CARMIL1: variants seen among roughly 807,000 people sequenced by gnomAD.
CARMIL1 encodes capping protein regulator and myosin 1 linker 1, also known as F-actin-uncapping protein LRRC16A.
In CARMIL1, 90 loss-of-function variants were observed where a neutral mutation model predicts 177.1. That is an observed-to-expected ratio of 0.51 (90% confidence interval 0.43 to 0.61). The LOEUF is 0.61. Among genes scored for constraint, CARMIL1 ranks in the 20% least tolerant of loss-of-function variants. The probability of loss-of-function intolerance (pLI) is 0.00; values close to 1 mark genes in which losing one functional copy is unlikely to be tolerated. For missense variants in CARMIL1, 1,380 were observed against 1,667.0 expected, an observed-to-expected ratio of 0.83 and a Z score of 3.00; for synonymous variants, 577 against 606.2, an observed-to-expected ratio of 0.95 and a Z score of 0.71.
intron 24 of CARMIL1, among the ~76,000 whole-genome samples, chr6:25,531,316 T>G (rs1807741943): frequency 1.5e-5 from 1 of 66,802 alleles, no homozygotes; most frequent in Admixed American, 2.0e-4. Flanking sequence ...TTATTTAATT[T>G]TTTGTTGCTT....
chr6:25,373,799 G>T (rs1790695171), intron 2 of CARMIL1, among the ~76,000 whole-genome samples: 1 of 152,008 alleles, frequency 6.6e-6, no homozygotes. Context: ...TGGCCAGAAT[G>T]GTCTCGATCT....
intron 2 of CARMIL1, among the ~76,000 whole-genome samples, chr6:25,354,887 A>G (rs2744237): frequency 0.87 from 132,371 of 152,124 alleles, 57,824 homozygotes; most frequent in African/African-American, 0.93. Context: ...GACCCCCAAA[A>G]CTTCTGCTTA....
At chr6:25,402,590 G>A (rs1272783776) in intron 2 of CARMIL1, among the ~76,000 whole-genome samples, 1 of 152,152 alleles carries the variant, frequency 6.6e-6, no homozygotes, top group Non-Finnish European at 1.5e-5. Flanking sequence ...GTTTTACTGT[G>A]TAGTGATTTT....
At chr6:25,373,825 C>T (rs1428178710) in intron 2 of CARMIL1, among the ~76,000 whole-genome samples, 5 of 152,060 alleles carry the variant, frequency 3.3e-5, no homozygotes, top group Non-Finnish European at 4.4e-5. Flanking sequence ...CCTCGTGATC[C>T]GTCTGCCTCA....
At chr6:25,325,240 T>C (rs984146827) in intron 2 of CARMIL1, among the ~76,000 whole-genome samples, 1 of 152,336 alleles carries the variant, frequency 6.6e-6, no homozygotes, top group Non-Finnish European at 1.5e-5. Flanking sequence ...AGAGAATTCA[T>C]TGAAACTTGA....
chr6:25,513,649 C>G (rs1805671794), intron 20 of CARMIL1, among the ~76,000 whole-genome samples: 1 of 152,154 alleles, frequency 6.6e-6, no homozygotes, highest in Non-Finnish European at 1.5e-5. Flanking sequence ...GAACCTCTCA[C>G]AGATGTTGCT....
chr6:25,489,337 C>A (rs563418003), intron 13 of CARMIL1, among the ~76,000 whole-genome samples: 1 of 152,120 alleles, frequency 6.6e-6, no homozygotes, highest in Non-Finnish European at 1.5e-5. Flanking sequence ...CCTGAGCACT[C>A]GTCTATTCCG....
Position 25,454,599 on chromosome 6 carries a change from G to A in CARMIL1, c.614+3888G>A, listed in dbSNP as rs1431689226. Among the ~76,000 whole-genome samples, 7 of 151,998 alleles carry A rather than the reference G, an allele frequency of 4.6e-5. No homozygotes were observed. In the East Asian group the frequency reaches 9.6e-4, roughly 21 times the overall value. On this transcript the variant is annotated intron_variant, in intron 8 of 36. Transcript: ENST00000329474. ...ATAAATATTACTATGGTAGTCTTTG[G>A]AATGCAATAACTAAATATTAAAAAA...
At position 25,279,517 on chromosome 6, in the gene CARMIL1, C is replaced by A. The variant is rs777079909; in HGVS notation, c.-279C>A. 10 of 518,422 alleles carry A rather than the reference C, an allele frequency of 1.9e-5. No homozygotes were observed. The Admixed American group carries it at 2.9e-4, about 15-fold the overall frequency. 32.1% of individuals were successfully genotyped at this position (518,422 alleles called of 1,614,324 possible). ...CCACAGCCGCCCCGCGCCCCGCGCC[C>A]GCTTGTAATCCGGTCCGCTCCTTAT... is the stretch of plus-strand genomic sequence containing the variant. On this transcript the variant is annotated 5_prime_UTR_variant, in exon 1 of 37. Transcript: ENST00000329474.
At chr6:25,583,621 T>C (rs554397290) in intron 31 of CARMIL1, among the ~76,000 whole-genome samples, 16 of 152,328 alleles carry the variant, frequency 1.1e-4, no homozygotes, top group African/African-American at 3.1e-4. Context: ...GATCAGGCTT[T>C]TGTTGTGTTT....
chr6:25,322,859 A>G (rs1373655893), intron 2 of CARMIL1, among the ~76,000 whole-genome samples: 1 of 152,190 alleles, frequency 6.6e-6, no homozygotes, highest in East Asian at 1.9e-4. Flanking sequence ...CCAGGATCTC[A>G]TCTTTTAACA....
At chr6:25,556,924 ATCTCACCTTTTG>A in intron 29 of CARMIL1, 74 bp downstream of exon 29, 4 of 1,305,996 alleles carry the variant, frequency 3.1e-6, no homozygotes, top group Non-Finnish European at 3.2e-6. Flanking sequence ...TTTTTTTTAA[ATCTCACCTTTTG>A]AAATCAGACC....
At chr6:25,489,787 G>A (rs914578014) in intron 13 of CARMIL1, among the ~76,000 whole-genome samples, 1 of 151,114 alleles carries the variant, frequency 6.6e-6, no homozygotes, top group African/African-American at 2.4e-5. Flanking sequence ...CTTGATTCCT[G>A]GTGTGCCACG....
At chr6:25,286,624 TTAAAG>T (rs1488580527) in intron 2 of CARMIL1, among the ~76,000 whole-genome samples, 2 of 152,230 alleles carry the variant, frequency 1.3e-5, no homozygotes, top group African/African-American at 2.4e-5. Flanking sequence ...TTTTACAAAT[TTAAAG>T]TAAGTTTTTA....
At chr6:25,422,888 A>G (rs1385832166) in intron 3 of CARMIL1, among the ~76,000 whole-genome samples, 1 of 152,146 alleles carries the variant, frequency 6.6e-6, no homozygotes, top group Non-Finnish European at 1.5e-5. Context: ...CCCTGAGGAA[A>G]GGCTTGGCTC....
intron 11 of CARMIL1, chr6:25,479,024 A>T: frequency 2.2e-6 from 1 of 461,794 alleles, no homozygotes; most frequent in South Asian, 1.7e-5. Flanking sequence ...AAATGTAAAA[A>T]TTTTTACTCA....
At chr6:25,527,725 G>A in intron 23 of CARMIL1, 1 of 442,324 alleles carries the variant, frequency 2.3e-6, no homozygotes, top group Admixed American at 2.6e-5. Flanking sequence ...ATGTTTAATG[G>A]AAAGGTACAT....
intron 2 of CARMIL1, among the ~76,000 whole-genome samples, chr6:25,361,284 T>C (rs922586731): frequency 2.6e-5 from 4 of 152,196 alleles, no homozygotes; most frequent in African/African-American, 9.6e-5. Context: ...TTCCTCTAAA[T>C]AGAAACAGTG....
chr6:25,562,693 A>G (rs1469798193), intron 29 of CARMIL1, among the ~76,000 whole-genome samples: 1 of 152,184 alleles, frequency 6.6e-6, no homozygotes, highest in Admixed American at 6.5e-5. Context: ...CAGGTAACAG[A>G]GCAGGCTTCA....
Sources: allele counts gnomAD v4.1 joint callset (sites outside exome capture counted in the v4.1 genomes callset), GRCh38; gene constraint gnomAD v4.1.1; transcripts MANE v1.5; gene names NCBI Gene and HGNC (gene_info 2026-07-23, HGNC 2026-07-21).